The following NRXN3 variants were observed in gnomAD, a reference collection of about 807,000 sequenced individuals.
The protein encoded by NRXN3 is neurexin 3, also known as neurexin III.
A neutral mutation model predicts 137.6 loss-of-function variants in NRXN3; 32 were observed. The ratio of observed to expected loss-of-function variants is 0.23; its 90% CI spans 0.18 to 0.31. The LOEUF is 0.31. Among genes scored for constraint, NRXN3 ranks in the 10% least tolerant of loss-of-function variants. The probability of loss-of-function intolerance (pLI) is 1.00; values close to 1 mark genes in which losing one functional copy is unlikely to be tolerated. For synonymous variants in NRXN3, 798 were observed against 784.5 expected (o/e 1.02, Z -0.29); for missense variants, 1,574 against 2,062.5 (o/e 0.76, Z 4.59).
At chr14:79,132,554 A>T (rs1028473636) in intron 15 of NRXN3, among the ~76,000 whole-genome samples, 3 of 152,242 alleles carry the variant, frequency 2.0e-5, no homozygotes, top group African/African-American at 7.2e-5. Context: ...GCTGCTAGAA[A>T]ATTTAAAATT....
chr14:79,851,677 T>G (rs2099391751), intron 20 of NRXN3, among the ~76,000 whole-genome samples: 2 of 152,164 alleles, frequency 1.3e-5, no homozygotes, highest in Non-Finnish European at 2.9e-5. Context: ...TTCCCAGTCC[T>G]TGGTTGAACA....
At chr14:79,841,287 G>A (rs2099355263) in intron 20 of NRXN3, among the ~76,000 whole-genome samples, 1 of 152,090 alleles carries the variant, frequency 6.6e-6, no homozygotes. Flanking sequence ...GGGTAAAAGA[G>A]GATGTTTGCA....
At chr14:78,414,614 T>C (rs371349962) in intron 4 of NRXN3, among the ~76,000 whole-genome samples, 1 of 152,196 alleles carries the variant, frequency 6.6e-6, no homozygotes, top group African/African-American at 2.4e-5. Context: ...TTTACTTGTA[T>C]TACCAGATCT....
At chr14:78,782,494 T>G (rs908733813) in intron 8 of NRXN3, among the ~76,000 whole-genome samples, 1 of 152,190 alleles carries the variant, frequency 6.6e-6, no homozygotes, top group Non-Finnish European at 1.5e-5. Context: ...TGCCGAAAGC[T>G]TTTTGCAATC....
intron 8 of NRXN3, among the ~76,000 whole-genome samples, chr14:78,770,369 T>C (rs2098723235): frequency 2.6e-5 from 4 of 152,290 alleles, no homozygotes; most frequent in Admixed American, 2.6e-4. Context: ...CATGATTCCT[T>C]TCAGAGTGAG....
At chr14:79,377,335 G>A (rs752508219) in intron 15 of NRXN3, among the ~76,000 whole-genome samples, 78 of 152,242 alleles carry the variant, frequency 5.1e-4, no homozygotes, top group Non-Finnish European at 8.7e-4. Flanking sequence ...GGTAATGATT[G>A]GAGCCTCTGA....
At chr14:78,738,621 A>G (rs761171987) in intron 8 of NRXN3, among the ~76,000 whole-genome samples, 7 of 152,312 alleles carry the variant, frequency 4.6e-5, no homozygotes, top group Non-Finnish European at 1.0e-4. Context: ...TTTTAGGGAA[A>G]ACTCTACGCA....
At chr14:79,486,727 C>T (rs1273150089) in intron 16 of NRXN3, among the ~76,000 whole-genome samples, 1 of 152,158 alleles carries the variant, frequency 6.6e-6, no homozygotes, top group East Asian at 1.9e-4. Context: ...GATTTCAACA[C>T]ATGCAGAAAA....
intron 4 of NRXN3, among the ~76,000 whole-genome samples, chr14:78,338,585 TAAAC>T (rs2081774594): frequency 6.6e-6 from 1 of 152,226 alleles, no homozygotes; most frequent in Admixed American, 6.5e-5. Flanking sequence ...GTAGATAAAA[TAAAC>T]TACAGTGCAA....
At chr14:79,026,578 A>T (rs2099598353) in intron 15 of NRXN3, among the ~76,000 whole-genome samples, 2 of 152,116 alleles carry the variant, frequency 1.3e-5, no homozygotes, top group Non-Finnish European at 2.9e-5. Context: ...CCATAAACTC[A>T]TTTCAATAAG....
intron 4 of NRXN3, among the ~76,000 whole-genome samples, chr14:78,426,321 G>A (rs574163560): frequency 1.1e-4 from 16 of 152,274 alleles, no homozygotes; most frequent in African/African-American, 3.6e-4. Flanking sequence ...GGGCACGTGA[G>A]GTACAGCTTC....
chr14:79,849,045 TCTCTTCCCC>T (rs2099386353), intron 20 of NRXN3, among the ~76,000 whole-genome samples: 1 of 152,110 alleles, frequency 6.6e-6, no homozygotes, highest in African/African-American at 2.4e-5. Flanking sequence ...CTGTCCCAAC[TCTCTTCCCC>T]ACACCCAGTC....
chr14:79,381,597 C>G (rs1483716621), intron 15 of NRXN3, among the ~76,000 whole-genome samples: 1 of 151,972 alleles, frequency 6.6e-6, no homozygotes, highest in Non-Finnish European at 1.5e-5. Flanking sequence ...TTCTTTGTAC[C>G]CAGGAGTCTA....
chr14:78,590,233 G>C (rs550484660), intron 4 of NRXN3, among the ~76,000 whole-genome samples: 1 of 152,306 alleles, frequency 6.6e-6, no homozygotes, highest in South Asian at 2.1e-4. Context: ...ATCATGGTCT[G>C]CTCCCAAGCA....
At chr14:78,364,250 C>G (rs1475529400) in intron 4 of NRXN3, among the ~76,000 whole-genome samples, 1 of 152,184 alleles carries the variant, frequency 6.6e-6, no homozygotes, top group Non-Finnish European at 1.5e-5. Context: ...AGAAGTAGAA[C>G]TCTGGCCTTG....
intron 15 of NRXN3, among the ~76,000 whole-genome samples, chr14:79,052,293 A>G (rs1342136647): frequency 6.6e-6 from 1 of 152,198 alleles, no homozygotes; most frequent in African/African-American, 2.4e-5. Context: ...TTTTTAGTAG[A>G]GAGAGAAAAT....
intron 20 of NRXN3, among the ~76,000 whole-genome samples, chr14:79,818,048 T>G (rs1416332470): frequency 9.1e-5 from 8 of 87,626 alleles, no homozygotes; most frequent in Non-Finnish European, 1.8e-4. Flanking sequence ...GCACTTGGGT[T>G]TTTTTTTTTT....
chr14:78,664,234 G>A (rs192742955), intron 6 of NRXN3, among the ~76,000 whole-genome samples: 354 of 152,190 alleles, frequency 2.3e-3, no homozygotes, highest in Non-Finnish European at 3.6e-3. Context: ...AATTGTTCAG[G>A]TAATGCTTGC....
intron 16 of NRXN3, among the ~76,000 whole-genome samples, chr14:79,496,864 T>C (rs772600751): frequency 6.6e-6 from 1 of 152,132 alleles, no homozygotes; most frequent in African/African-American, 2.4e-5. Flanking sequence ...CAGCCCAGCA[T>C]GGGAGAGGGC....
Sources: gnomAD v4.1 joint callset for allele counts (sites outside exome capture counted in the v4.1 genomes callset) on GRCh38, gnomAD v4.1.1 for gene constraint, MANE v1.5 for transcripts, NCBI Gene and HGNC (gene_info 2026-07-23, HGNC 2026-07-21) for gene names.